RANBP17: variants seen among roughly 807,000 people sequenced by gnomAD.
RANBP17 encodes the protein ran-binding protein 17.
Under a neutral mutation model 141.2 loss-of-function variants are expected in RANBP17, and 158 were observed. The ratio of observed to expected loss-of-function variants is 1.12; its 90% CI spans 0.98 to 1.28. The LOEUF is 1.28. Among genes scored for constraint, RANBP17 ranks in the 50% most tolerant of loss-of-function variants. The pLI is 0.00. For missense variants in RANBP17, 1,438 were observed against 1,290.7 expected, an observed-to-expected ratio of 1.11 and a Z score of -1.75; for synonymous variants, 430 against 450.0, an observed-to-expected ratio of 0.96 and a Z score of 0.56.
chr5:170,956,838 A>G (rs1440669045), intron 13 of RANBP17, among the ~76,000 whole-genome samples: 2 of 151,580 alleles, frequency 1.3e-5, no homozygotes, highest in Admixed American at 6.6e-5. Context: ...TTGGGAGGCC[A>G]AGGTGGGCGG....
intron 21 of RANBP17, among the ~76,000 whole-genome samples, chr5:171,214,209 C>G (rs1205395024): frequency 5.3e-5 from 8 of 152,192 alleles, no homozygotes; most frequent in Non-Finnish European, 7.3e-5. Flanking sequence ...CCTGCTTTCA[C>G]TTCTAAGCTA....
intron 22 of RANBP17, among the ~76,000 whole-genome samples, chr5:171,227,567 G>A (rs1439717727): frequency 1.3e-5 from 2 of 152,344 alleles, no homozygotes; most frequent in East Asian, 1.9e-4. Flanking sequence ...AAGCTGCAGC[G>A]AGTTATCATG....
At chr5:171,235,278 T>A (rs1764466954) in intron 22 of RANBP17, among the ~76,000 whole-genome samples, 1 of 149,432 alleles carries the variant, frequency 6.7e-6, no homozygotes, top group African/African-American at 2.5e-5. Context: ...AATTGAGCAA[T>A]ATCTAGCAGG....
At chr5:171,031,066 A>G (rs1190489417) in intron 14 of RANBP17, among the ~76,000 whole-genome samples, 1 of 152,048 alleles carries the variant, frequency 6.6e-6, no homozygotes, top group Non-Finnish European at 1.5e-5. Flanking sequence ...ATCTGTTTCA[A>G]TATATGAATG....
intron 18 of RANBP17, among the ~76,000 whole-genome samples, chr5:171,197,035 C>T (rs987528464): frequency 1.3e-5 from 2 of 152,070 alleles, no homozygotes; most frequent in African/African-American, 4.8e-5. Context: ...TACCACTGTT[C>T]TCATTAATAA....
intron 3 of RANBP17, among the ~76,000 whole-genome samples, chr5:170,883,423 A>T (rs1416099056): frequency 6.6e-6 from 1 of 152,176 alleles, no homozygotes; most frequent in Non-Finnish European, 1.5e-5. Flanking sequence ...GTTACAATTG[A>T]TGAACCTACA....
intron 24 of RANBP17, among the ~76,000 whole-genome samples, chr5:171,251,150 G>A (rs928882419): frequency 6.6e-6 from 1 of 152,182 alleles, no homozygotes; most frequent in South Asian, 2.1e-4. Flanking sequence ...GCACAGTGGC[G>A]TGGTCATGGC....
intron 14 of RANBP17, among the ~76,000 whole-genome samples, chr5:171,059,499 C>T (rs1783658222): frequency 6.6e-6 from 1 of 151,268 alleles, no homozygotes. Context: ...TTTCTGAGGG[C>T]TCTGTTCTGT....
At position 170,916,514 on chromosome 5, in the gene RANBP17, A is replaced by G; in HGVS notation, c.884A>G (p.Asn295Ser). 1 of 1,583,304 alleles carries G rather than the reference A, an allele frequency of 6.3e-7. No homozygotes were observed. The highest frequency in any genetic ancestry group is 8.6e-7 in the Non-Finnish European group (1 of 1,162,578). Reference sequence around the variant, plus strand: ...GCTTCGACAAGAAGGTCCTTATTTAACAGTCCTGAACGTGCCAAGTACCTT... The same window carrying G: ...GCTTCGACAAGAAGGTCCTTATTTAGCAGTCCTGAACGTGCCAAGTACCTT... ...QFASTRRSLFNSPERAKYLGN... is the reference protein window; with the variant it reads ...QFASTRRSLFSSPERAKYLGN... The change falls in exon 9 of 28, where the codon AAC becomes AGC. Residue 295 changes from asparagine (N) to serine (S), a missense_variant. Asn to Ser is a conservative substitution (Grantham distance 46). Coordinates refer to ENST00000523189, the MANE Select transcript of RANBP17 (RefSeq NM_022897.5).
chr5:170,996,360 G>A (rs932092572), intron 14 of RANBP17, among the ~76,000 whole-genome samples: 1 of 152,182 alleles, frequency 6.6e-6, no homozygotes, highest in African/African-American at 2.4e-5. Flanking sequence ...TTGACTTGGA[G>A]TGATTGTCAT....
At chr5:171,271,109 T>A in intron 25 of RANBP17, 1 of 89,998 alleles carries the variant, frequency 1.1e-5, no homozygotes, top group Non-Finnish European at 2.3e-5. Context: ...TTTTTTTTTT[T>A]TTTTTTTTTG....
chr5:171,266,714 C>T (rs1175968669), intron 25 of RANBP17, among the ~76,000 whole-genome samples: 1 of 152,040 alleles, frequency 6.6e-6, no homozygotes, highest in Non-Finnish European at 1.5e-5. Context: ...GAGTTCAAGA[C>T]CAGCCTGACC....
At chr5:170,882,594 A>G (rs1489322440) in intron 3 of RANBP17, among the ~76,000 whole-genome samples, 3 of 152,216 alleles carry the variant, frequency 2.0e-5, no homozygotes, top group African/African-American at 7.2e-5. Context: ...CTACCTGTTT[A>G]GAGTCCAGGC....
At chr5:171,015,053 G>A (rs1780337828) in intron 14 of RANBP17, among the ~76,000 whole-genome samples, 1 of 151,862 alleles carries the variant, frequency 6.6e-6, no homozygotes, top group Non-Finnish European at 1.5e-5. Flanking sequence ...TTCACTGTAT[G>A]TAATTTGCCT....
chr5:171,165,764 AT>A (rs1262548678), intron 14 of RANBP17, among the ~76,000 whole-genome samples: 1 of 152,188 alleles, frequency 6.6e-6, no homozygotes, highest in Non-Finnish European at 1.5e-5. Flanking sequence ...AAAATATCAT[AT>A]TCTATTATAT....
At chr5:171,134,908 T>G (rs113130685) in intron 14 of RANBP17, among the ~76,000 whole-genome samples, 2 of 151,428 alleles carry the variant, frequency 1.3e-5, no homozygotes, top group African/African-American at 4.9e-5. Context: ...GGTGACGGGG[T>G]GAGATCCTGT....
chr5:171,058,576 G>C lies in RANBP17; in HGVS notation c.1710+90199G>C, dbSNP rs571131152. Among the ~76,000 whole-genome samples the C allele has an allele frequency of 5.1e-3, 771 of 151,170 alleles. 2 individuals are homozygous for C. Among genetic ancestry groups the C allele is most frequent in the Non-Finnish European group, 7.8e-3 (526 of 67,834 alleles). On this transcript the variant is annotated intron_variant, in intron 14 of 27. Transcript: ENST00000523189. ...CAGTCTATCATTGTTGGACATTTGG[G>C]TTGGTTCCAAGTCTTTGCTATTTTG...
chr5:171,205,496 A>G (rs891735388), intron 19 of RANBP17, 28 bp from the exon 20 acceptor site: 1 of 1,593,622 alleles, frequency 6.3e-7, no homozygotes, highest in Non-Finnish European at 8.6e-7. Context: ...CGTGAAAATC[A>G]ATTACTGTGT....
intron 24 of RANBP17, among the ~76,000 whole-genome samples, chr5:171,257,138 T>C (rs1203811162): frequency 1.3e-5 from 2 of 152,190 alleles, no homozygotes; most frequent in Non-Finnish European, 2.9e-5. Context: ...CAGGCCATTA[T>C]GAACATAGGT....
Sources: allele counts gnomAD v4.1 joint callset (sites outside exome capture counted in the v4.1 genomes callset), GRCh38; gene constraint gnomAD v4.1.1; transcripts MANE v1.5; gene names NCBI Gene and HGNC (gene_info 2026-07-23, HGNC 2026-07-21).